Variants in ANK1 observed in about 807,000 individuals in gnomAD.
ANK1 encodes the protein ankyrin-1.
A neutral mutation model predicts 210.4 loss-of-function variants in ANK1; 51 were observed. The observed-to-expected ratio is 0.24, with a 90% confidence interval of 0.19 to 0.31. The LOEUF (loss-of-function observed/expected upper bound fraction) is 0.31. Among genes scored for constraint, ANK1 ranks in the 10% least tolerant of loss-of-function variants. The pLI is 1.00. For synonymous variants in ANK1, 967 were observed against 1,025.9 expected, an observed-to-expected ratio of 0.94 and a Z score of 1.10; for missense variants, 2,051 against 2,504.4, an observed-to-expected ratio of 0.82 and a Z score of 3.86.
intron 22 of ANK1, 78 bp from the exon 23 acceptor site, chr8:41,699,626 G>A (rs923075307): frequency 2.0e-5 from 27 of 1,365,718 alleles, no homozygotes; most frequent in African/African-American, 1.6e-4. Flanking sequence ...CTCTGTTCCC[G>A]CTCCGCCTCT....
At chr8:41,716,163 C>G (rs905770357) in intron 13 of ANK1, among the ~76,000 whole-genome samples, 8 of 152,128 alleles carry the variant, frequency 5.3e-5, no homozygotes, top group African/African-American at 1.7e-4. Flanking sequence ...TGGGATCAAG[C>G]TGATAATGTA....
At chr8:41,822,632 G>C (rs1804663824) in intron 1 of ANK1, among the ~76,000 whole-genome samples, 1 of 152,252 alleles carries the variant, frequency 6.6e-6, no homozygotes, top group East Asian at 1.9e-4. Flanking sequence ...CTGCATCCTT[G>C]TACCCTGTAC....
chr8:41,696,063 T>A (rs998021795), intron 26 of ANK1, among the ~76,000 whole-genome samples: 17 of 152,254 alleles, frequency 1.1e-4, no homozygotes, highest in African/African-American at 3.9e-4. Flanking sequence ...TTTTGCTTTT[T>A]ATTTTTTACA....
At position 41,719,843 on chromosome 8, in the gene ANK1, T is replaced by C. The variant is rs754404246; in HGVS notation, c.925A>G (p.Ile309Val). Residue 309 changes from isoleucine (I) to valine (V), a missense_variant, in exon 10 of 43, where the codon ATT becomes GTT. Transcript: ENST00000289734. ...TGGTCTCCCTGAGCCGCCATGTGAA[T>C]TGGGGACAGGCCGTTCTGGGTAAAG... is the stretch of plus-strand genomic sequence containing the variant. ...QAKTKNGLSPIHMAAQGDHLD... is the reference protein window; with the variant it reads ...QAKTKNGLSPVHMAAQGDHLD... The C allele has an allele frequency of 3.5e-5, 56 of 1,614,070 alleles. No homozygotes were observed. Among genetic ancestry groups the C allele is most frequent in the East Asian group, 1.6e-4 (7 of 44,892 alleles).
chr8:41,818,917 C>G (rs1210785874), intron 1 of ANK1, among the ~76,000 whole-genome samples: 3 of 152,194 alleles, frequency 2.0e-5, no homozygotes, highest in Non-Finnish European at 2.9e-5. Flanking sequence ...AAAGCCTACA[C>G]AGGTAACTTG....
chr8:41,896,348 C>T (rs370910147), intron 1 of ANK1: 7 of 1,594,006 alleles, frequency 4.4e-6, no homozygotes, highest in African/African-American at 4.1e-5. Flanking sequence ...CCGCCGCCCC[C>T]TCCTACCTTC....
intron 42 of ANK1, among the ~76,000 whole-genome samples, chr8:41,656,013 G>A (rs1021481424): frequency 2.6e-5 from 4 of 152,366 alleles, no homozygotes; most frequent in East Asian, 1.9e-4. Context: ...TTCTGAGTGT[G>A]CAAGTGTTCC....
intron 40 of ANK1, among the ~76,000 whole-genome samples, chr8:41,662,464 G>A (rs1175108732): frequency 6.6e-6 from 1 of 152,234 alleles, no homozygotes; most frequent in Non-Finnish European, 1.5e-5. Context: ...GTCATTTCAT[G>A]ACCAAGGTGT....
chr8:41,711,835 TG>T (rs1191181809), intron 16 of ANK1, among the ~76,000 whole-genome samples: 2 of 152,210 alleles, frequency 1.3e-5, no homozygotes, highest in African/African-American at 2.4e-5. Flanking sequence ...CCCAGGGCCA[TG>T]GTTATCACGT....
intron 17 of ANK1, among the ~76,000 whole-genome samples, chr8:41,707,541 C>T (rs989577312): frequency 3.3e-5 from 5 of 152,172 alleles, no homozygotes; most frequent in Admixed American, 6.5e-5. Flanking sequence ...GAACAGCCCT[C>T]GGTTGAGGAG....
At chr8:41,877,988 C>T (rs189911231) in intron 1 of ANK1, among the ~76,000 whole-genome samples, 10 of 152,230 alleles carry the variant, frequency 6.6e-5, no homozygotes, top group African/African-American at 1.9e-4. Context: ...CACAGCCTAG[C>T]GCCCAGCAGA....
Position 41,703,446 on chromosome 8 carries a change from A to ATTTTT in ANK1, c.2295+594_2295+595insAAAAA, listed in dbSNP as rs1465782716. The stretch of plus-strand genomic sequence containing the variant: ...TGTATATATATATATATATATATAT[A>ATTTTT]TATATTTTTTTTTTTTTTTTAAGAC... On this transcript the variant is annotated intron_variant, in intron 20 of 42. Coordinates refer to ENST00000289734, the MANE Select transcript of ANK1 (RefSeq NM_000037.4). 4.0e-3 allele frequency among the ~76,000 whole-genome samples: 245 copies of ATTTTT among 61,528 alleles called. 3 individuals carry two copies. The highest frequency in any genetic ancestry group is 0.015 in the African/African-American group (228 of 15,254). The allele number at this position is 61,528 out of a possible 152,430, so 40.4% of individuals were successfully genotyped here.
intron 1 of ANK1, among the ~76,000 whole-genome samples, chr8:41,865,090 C>T (rs1814119700): frequency 6.6e-6 from 1 of 152,182 alleles, no homozygotes; most frequent in Non-Finnish European, 1.5e-5. Flanking sequence ...GTGTGTGGCG[C>T]TGCACACACC....
chr8:41,704,338 G>A lies in ANK1; in HGVS notation c.2196+36C>T. The A allele has an allele frequency of 6.3e-7, 1 of 1,582,422 alleles. No individual in the cohort carries two copies. The highest frequency in any genetic ancestry group is 8.7e-7 in the Non-Finnish European group (1 of 1,151,392). On this transcript the variant is annotated intron_variant, in intron 19 of 42. Transcript: ENST00000289734. The surrounding 1 kb of genome is among the most constrained non-coding windows in gnomAD (Gnocchi z 4.1). ...TTACCCTGATGTGGCATGGAGAAGG[G>A]TCAGTGCAGGAGTCGGGGCTGGGGC...
intron 1 of ANK1, among the ~76,000 whole-genome samples, chr8:41,865,791 C>T (rs1473214544): frequency 6.6e-6 from 1 of 152,158 alleles, no homozygotes; most frequent in Non-Finnish European, 1.5e-5. Flanking sequence ...CACTGCTTTC[C>T]TGATTTTCCC....
intron 1 of ANK1, among the ~76,000 whole-genome samples, chr8:41,887,611 C>T (rs1587631481): frequency 1.3e-5 from 2 of 152,256 alleles, no homozygotes; most frequent in South Asian, 2.1e-4. Context: ...AAAATTCAAT[C>T]ACCCGGAAAC....
At chr8:41,689,165 T>C (rs374484509) in intron 33 of ANK1, among the ~76,000 whole-genome samples, 1 of 152,010 alleles carries the variant, frequency 6.6e-6, no homozygotes, top group African/African-American at 2.4e-5. Context: ...TCTCTGAAGC[T>C]GGAGTGCAGT....
chr8:41,698,857 C>T (rs1387219431), intron 23 of ANK1, among the ~76,000 whole-genome samples: 5 of 151,808 alleles, frequency 3.3e-5, no homozygotes, highest in African/African-American at 7.3e-5. Context: ...AGTGCAGTGG[C>T]GCGATCTTGG....
chr8:41,877,769 G>A (rs1166764684), intron 1 of ANK1, among the ~76,000 whole-genome samples: 3 of 152,222 alleles, frequency 2.0e-5, no homozygotes, highest in African/African-American at 7.2e-5. Flanking sequence ...TCCTCTCTGA[G>A]GAAGCGACAT....
Sources: gnomAD v4.1 joint callset for allele counts (sites outside exome capture counted in the v4.1 genomes callset) on GRCh38, gnomAD v4.1.1 for gene constraint, Gnocchi (gnomAD v3.1) non-coding constraint, MANE v1.5 for transcripts, NCBI Gene and HGNC (gene_info 2026-07-23, HGNC 2026-07-21) for gene names.